ANKS4B: variants seen among roughly 807,000 people sequenced by gnomAD.
The protein encoded by ANKS4B is ankyrin repeat and SAM domain-containing protein 4B.
In ANKS4B, 21 loss-of-function variants were observed where a neutral mutation model predicts 20.2. The ratio of observed to expected loss-of-function variants is 1.04; its 90% confidence interval spans 0.74 to 1.50. The LOEUF is 1.50. Among genes scored for constraint, ANKS4B ranks in the 40% most tolerant of loss-of-function variants. The pLI is 0.00. For missense variants in ANKS4B, 473 were observed against 494.6 expected, an observed-to-expected ratio of 0.96 and a Z score of 0.41; for synonymous variants, 179 against 194.5, an observed-to-expected ratio of 0.92 and a Z score of 0.66.
rs557805188 is a variant in ANKS4B at position 21,237,724 on chromosome 16, G to A, written c.164+3823G>A. On this transcript the variant is annotated intron_variant, in intron 1 of 1. Coordinates refer to ENST00000311620, the MANE Select transcript of ANKS4B (RefSeq NM_145865.3). ...CACTGCTTAACGCTGTTACATTGAC[G>A]ATTAAGTTTCAACATGAATTCTGGA... 1.6e-4 allele frequency among the ~76,000 whole-genome samples: 24 copies of A among 152,270 alleles called. 2 individuals are homozygous for A. Among genetic ancestry groups the A allele is most frequent in the African/African-American group, 5.5e-4 (23 of 41,546 alleles).
intron 1 of ANKS4B, among the ~76,000 whole-genome samples, chr16:21,247,196 C>T (rs946907185): frequency 6.6e-6 from 1 of 151,990 alleles, no homozygotes; most frequent in African/African-American, 2.4e-5. Context: ...TCCTGAGAAA[C>T]TGGGATTACA....
chr16:21,250,615 T>A lies in ANKS4B; in HGVS notation c.1049T>A (p.Val350Glu). The A allele has an allele frequency of 6.2e-7, 1 of 1,613,958 alleles. No individual in the cohort carries two copies. The highest frequency in any genetic ancestry group is 8.5e-7 in the Non-Finnish European group (1 of 1,179,944). ...GTGGTCGATGCCACGCCCCTGGAAG[T>A]GTTCTTGCTGTCTCAGCACCTGGAA... ...EDVVDATPLE[V>E]FLLSQHLEEF... is the part of the protein sequence containing the mutation. Residue 350 changes from valine (V) to glutamate (E), a missense_variant, in exon 2 of 2, where the codon GTG becomes GAG. Coordinates refer to ENST00000311620, the MANE Select transcript of ANKS4B (RefSeq NM_145865.3).
In ANKS4B at chr16:21,249,824, C is replaced by T. The variant is rs75187531; in HGVS notation, c.258C>T (p.Asn86=). 1,981 of 1,614,172 alleles carry T rather than the reference C, an allele frequency of 1.2e-3. 18 individuals are homozygous for T. In the African/African-American group the frequency reaches 0.022, roughly 18 times the overall value. ...CCCACTGCGTCTCATTCCTGGTCAA[C>T]TTTGGTGCCAACATCTTTGCCCTGG... The part of the protein sequence containing the change: ...GHAHCVSFLV[N]FGANIFALDN... The change falls in exon 2 of 2, where the codon AAC becomes AAT. Residue 86 remains asparagine, a synonymous_variant. Transcript: ENST00000311620.
At chr16:21,245,143 C>T (rs1488664435) in intron 1 of ANKS4B, among the ~76,000 whole-genome samples, 2 of 152,160 alleles carry the variant, frequency 1.3e-5, no homozygotes, top group African/African-American at 4.8e-5. Context: ...CACAGAATTT[C>T]GCTTGAAATT....
chr16:21,243,358 G>A (rs138840934), intron 1 of ANKS4B, among the ~76,000 whole-genome samples: 4 of 152,268 alleles, frequency 2.6e-5, no homozygotes, highest in East Asian at 1.9e-4. Flanking sequence ...CACGAAAACC[G>A]TAGAGCATCA....
intron 1 of ANKS4B, among the ~76,000 whole-genome samples, chr16:21,234,837 T>TTG (rs150937238): frequency 1.9e-3 from 286 of 150,104 alleles, no homozygotes; most frequent in South Asian, 3.2e-3. Flanking sequence ...TCTATGATAT[T>TTG]TGTGTGTGTG....
intron 1 of ANKS4B, among the ~76,000 whole-genome samples, chr16:21,234,778 G>C (rs943516072): frequency 6.6e-6 from 1 of 152,132 alleles, no homozygotes; most frequent in East Asian, 1.9e-4. Flanking sequence ...CAACAAGACA[G>C]CCACAGTCCC....
rs1189469477 is a variant in ANKS4B at position 21,250,965 on chromosome 16, T to C, written c.*145T>C. The stretch of plus-strand genomic sequence containing the variant: ...GCCTACCTGAGAGAGAGACCCAAAC[T>C]TTACTCTGGGAGGTAGGCTATGCCC... On this transcript the variant is annotated 3_prime_UTR_variant, in exon 2 of 2. Coordinates refer to ENST00000311620, the MANE Select transcript of ANKS4B (RefSeq NM_145865.3). The C allele has an allele frequency of 6.7e-6, 8 of 1,186,396 alleles. No individual in the cohort carries two copies. Among genetic ancestry groups the C allele is most frequent in the Non-Finnish European group, 9.2e-6 (8 of 866,238 alleles). 73.5% of individuals were successfully genotyped at this position (1,186,396 alleles called of 1,614,324 possible).
intron 1 of ANKS4B, among the ~76,000 whole-genome samples, chr16:21,235,202 C>T (rs2093318817): frequency 6.6e-6 from 1 of 152,164 alleles, no homozygotes. Context: ...TAGGCATCTA[C>T]CTCAATCTCA....
rs543049524 is a variant in ANKS4B at position 21,251,052 on chromosome 16, T to C, written c.*232T>C. 3.2e-4 allele frequency: 160 copies of C among 503,682 alleles called. No individual in the cohort carries two copies. The East Asian group carries it at 4.8e-3, about 15-fold the overall frequency. The allele number at this position is 503,682 out of a possible 1,614,324, so 31.2% of individuals were successfully genotyped here. A position where few individuals can be genotyped will look rare whatever the true frequency, so the allele number is the denominator to read the frequency against. ...TCATAACAAGAATCTGGCATTTCTCTTCAGTTATCTTATATGTACATATAA... is the reference window on the plus strand; with the variant it reads ...TCATAACAAGAATCTGGCATTTCTCCTCAGTTATCTTATATGTACATATAA... On this transcript the variant is annotated 3_prime_UTR_variant, in exon 2 of 2. Transcript: ENST00000311620.
In ANKS4B at chr16:21,249,579, C is replaced by A. The variant is rs1228659750; in HGVS notation, c.165-152C>A. On this transcript the variant is annotated intron_variant, in intron 1 of 1. Coordinates refer to ENST00000311620, the MANE Select transcript of ANKS4B (RefSeq NM_145865.3). ...ATGGGATGGTTCTAAGACAGTTGGA[C>A]TTGCAGCCAGTATCTTATAACAATG... 3.5e-5 allele frequency: 31 copies of A among 897,556 alleles called. No homozygotes were observed. The South Asian group carries it at 5.7e-4, about 16-fold the overall frequency. 55.6% of individuals were successfully genotyped at this position (897,556 alleles called of 1,614,324 possible).
At chr16:21,242,775 T>C (rs997761119) in intron 1 of ANKS4B, among the ~76,000 whole-genome samples, 1 of 152,200 alleles carries the variant, frequency 6.6e-6, no homozygotes. Context: ...TATAAGTAAG[T>C]TTGGGAGGAA....
At chr16:21,234,023 T>G (rs1436636612) in intron 1 of ANKS4B, 122 bp downstream of exon 1, 18 of 1,021,242 alleles carry the variant, frequency 1.8e-5, no homozygotes, top group Non-Finnish European at 2.3e-5. Context: ...TCTAAATGAT[T>G]GGATTTTTAG....
At chr16:21,239,624 C>T (rs1204987717) in intron 1 of ANKS4B, among the ~76,000 whole-genome samples, 2 of 152,124 alleles carry the variant, frequency 1.3e-5, no homozygotes, top group African/African-American at 4.8e-5. Context: ...GTGTTCATTG[C>T]AGCACTGTCA....
At chr16:21,247,185 C>T (rs2093333391) in intron 1 of ANKS4B, among the ~76,000 whole-genome samples, 1 of 152,046 alleles carries the variant, frequency 6.6e-6, no homozygotes, top group Non-Finnish European at 1.5e-5. Context: ...CTGCCTCAGC[C>T]TCCTGAGAAA....
chr16:21,239,260 T>C (rs760371453), intron 1 of ANKS4B, among the ~76,000 whole-genome samples: 2 of 152,120 alleles, frequency 1.3e-5, no homozygotes, highest in Non-Finnish European at 2.9e-5. Context: ...TTACTGGGTA[T>C]ATACCCAAAG....
Position 21,250,961 on chromosome 16 carries a change from A to G in ANKS4B, c.*141A>G, listed in dbSNP as rs2093338743. On this transcript the variant is annotated 3_prime_UTR_variant, in exon 2 of 2. Transcript: ENST00000311620. Reference sequence around the variant, plus strand: ...AAATGCCTACCTGAGAGAGAGACCCAAACTTTACTCTGGGAGGTAGGCTAT... The same window carrying G: ...AAATGCCTACCTGAGAGAGAGACCCGAACTTTACTCTGGGAGGTAGGCTAT... The G allele has an allele frequency of 3.3e-6, 4 of 1,225,464 alleles. No homozygotes were observed. In the African/African-American group the frequency reaches 6.0e-5, roughly 19 times the overall value. The allele number at this position is 1,225,464 out of a possible 1,614,324, so 75.9% of individuals were successfully genotyped here.
intron 1 of ANKS4B, among the ~76,000 whole-genome samples, chr16:21,235,496 TTA>T (rs747859989): frequency 3.3e-5 from 5 of 152,190 alleles, no homozygotes; most frequent in Non-Finnish European, 7.4e-5. Flanking sequence ...CAGAGTAGAT[TTA>T]TGTTTACAAA....
rs771215014 is a variant in ANKS4B, at chr16:21,250,080, A to ACT, written c.521_522dup (p.Ser175LeufsTer57). On this transcript the variant is annotated frameshift_variant, in exon 2 of 2. Transcript: ENST00000311620. LOFTEE classifies it high-confidence loss of function. ...CACCTACAGCAAGGAGGAATCCGGG[A>ACT]CTCTCTCTTCTTCCAAGGGTACCTT... 1 of 1,614,022 alleles carries ACT rather than the reference A, an allele frequency of 6.2e-7. No homozygotes were observed. The highest frequency in any genetic ancestry group is 1.3e-5 in the African/African-American group (1 of 74,984).
Sources: allele counts gnomAD v4.1 joint callset (sites outside exome capture counted in the v4.1 genomes callset), GRCh38; gene constraint gnomAD v4.1.1; transcripts MANE v1.5; gene names NCBI Gene and HGNC (gene_info 2026-07-23, HGNC 2026-07-21).